Variants in ADAMTSL1 observed in about 807,000 individuals in gnomAD.
ADAMTSL1 encodes ADAMTS like 1, also known as ADAMTS-like protein 1.
ADAMTSL1 carries 126 observed loss-of-function variants against 201.8 expected under a neutral mutation model. The ratio of observed to expected loss-of-function variants is 0.62; its 90% CI spans 0.54 to 0.72. The LOEUF is 0.72. Ranked by LOEUF, ADAMTSL1 falls within the 30% of genes least tolerant of loss-of-function variation. The pLI is 0.00. For synonymous variants in ADAMTSL1, 1,121 were observed against 903.4 expected, an observed-to-expected ratio of 1.24 and a Z score of -4.32; for missense variants, 2,679 against 2,277.8, an observed-to-expected ratio of 1.18 and a Z score of -3.59.
Position 18,246,495 on chromosome 9 carries a change from A to T in ADAMTSL1, c.207+82514A>T, listed in dbSNP as rs1831263207. On this transcript the variant is annotated intron_variant, in intron 2 of 29. Coordinates refer to the ADAMTSL1 transcript ENST00000680146. ...CAAGAAAAGTGGTATCTAAGCAAGG[A>T]TAATAATAATAGTTATTATTTGTTG... 2.0e-5 allele frequency among the ~76,000 whole-genome samples: 3 copies of T among 152,318 alleles called. No individual in the cohort carries two copies. The South Asian group carries it at 6.2e-4, about 32-fold the overall frequency.
At chr9:18,163,167 C>T (rs2183645) in intron 1 of ADAMTSL1, among the ~76,000 whole-genome samples, 48,687 of 151,738 alleles carry the variant, frequency 0.32, 8,052 homozygotes, top group Admixed American at 0.41. Context: ...TAGAGTTAGA[C>T]CTGTATTTGA....
chr9:18,288,117 G>A (rs1833094957), intron 2 of ADAMTSL1, among the ~76,000 whole-genome samples: 1 of 152,122 alleles, frequency 6.6e-6, no homozygotes. Flanking sequence ...TGGGGCACAT[G>A]ATTGGGAAAT....
chr9:18,875,527 G>T (rs1289541877), intron 23 of ADAMTSL1, among the ~76,000 whole-genome samples: 1 of 152,056 alleles, frequency 6.6e-6, no homozygotes, highest in East Asian at 1.9e-4. Context: ...TCATTCAGGA[G>T]CAGGTTAATT....
chr9:18,191,315 C>G (rs1828959404), intron 2 of ADAMTSL1, among the ~76,000 whole-genome samples: 1 of 152,158 alleles, frequency 6.6e-6, no homozygotes, highest in Admixed American at 6.5e-5. Flanking sequence ...CACTCCAGAG[C>G]TCCTGTCTTG....
rs563440869 is a variant in ADAMTSL1 at position 18,323,525 on chromosome 9, A to G, written c.207+159544A>G. Among the ~76,000 whole-genome samples the G allele has an allele frequency of 3.9e-5, 6 of 152,270 alleles. No individual in the cohort carries two copies. The South Asian group carries it at 1.2e-3, about 32-fold the overall frequency. ...CAATATTTTACTGGGTTATTAAGTC[A>G]GCACAAAAAGAAAAAAACCCATAAA... On this transcript the variant is annotated intron_variant, in intron 2 of 29. Coordinates refer to the ADAMTSL1 transcript ENST00000680146.
intron 1 of ADAMTSL1, among the ~76,000 whole-genome samples, chr9:18,078,845 A>C (rs969125410): frequency 1.3e-5 from 2 of 152,122 alleles, no homozygotes; most frequent in Non-Finnish European, 2.9e-5. Context: ...AAGGCAATGG[A>C]GCTGTCTTCA....
At chr9:18,592,730 T>C (rs541202361) in intron 4 of ADAMTSL1, among the ~76,000 whole-genome samples, 19 of 152,348 alleles carry the variant, frequency 1.2e-4, no homozygotes, top group Non-Finnish European at 2.6e-4. Flanking sequence ...ATGTACATCT[T>C]AGGATTGTTT....
intron 1 of ADAMTSL1, among the ~76,000 whole-genome samples, chr9:18,023,628 G>T (rs1053869874): frequency 1.3e-5 from 2 of 152,058 alleles, no homozygotes; most frequent in Non-Finnish European, 2.9e-5. Context: ...TGTTGGGTGC[G>T]AATGGAGTAA....
intron 1 of ADAMTSL1, among the ~76,000 whole-genome samples, chr9:18,000,991 A>G (rs1819590584): frequency 6.6e-6 from 1 of 152,058 alleles, no homozygotes; most frequent in African/African-American, 2.4e-5. Flanking sequence ...ACCTGGATTG[A>G]CAATCCCATC....
intron 2 of ADAMTSL1, among the ~76,000 whole-genome samples, chr9:18,530,435 T>C (rs1819373315): frequency 6.6e-6 from 1 of 152,152 alleles, no homozygotes; most frequent in Non-Finnish European, 1.5e-5. Flanking sequence ...CACCATTGAA[T>C]CTCCTCCGTT....
chr9:18,244,107 G>A (rs974049141), intron 2 of ADAMTSL1, among the ~76,000 whole-genome samples: 4 of 111,784 alleles, frequency 3.6e-5, no homozygotes, highest in Non-Finnish European at 6.2e-5. Flanking sequence ...GTGTGTGTGT[G>A]TGTACGTGTG....
At chr9:18,047,652 G>A (rs565718026) in intron 1 of ADAMTSL1, among the ~76,000 whole-genome samples, 5 of 152,216 alleles carry the variant, frequency 3.3e-5, no homozygotes, top group South Asian at 2.1e-4. Flanking sequence ...TCTGCTCATC[G>A]TTTTAGAACC....
At chr9:18,478,737 T>C (rs551858051) in intron 1 of ADAMTSL1, among the ~76,000 whole-genome samples, 1 of 152,292 alleles carries the variant, frequency 6.6e-6, no homozygotes, top group South Asian at 2.1e-4. Flanking sequence ...AGCCTTTTCT[T>C]GAGTGAGAGC....
chr9:18,763,350 A>T (rs1218461937), intron 16 of ADAMTSL1, among the ~76,000 whole-genome samples: 1 of 152,052 alleles, frequency 6.6e-6, no homozygotes, highest in Admixed American at 6.6e-5. Context: ...TTTGATTATT[A>T]GATTTTTTTC....
intron 1 of ADAMTSL1, among the ~76,000 whole-genome samples, chr9:18,020,660 G>A (rs144528203): frequency 1.4e-4 from 22 of 152,112 alleles, no homozygotes; most frequent in African/African-American, 3.4e-4. Flanking sequence ...CTCCCTAAAC[G>A]CCTGGGGATT....
chr9:18,294,011 C>G (rs1426536922), intron 2 of ADAMTSL1, among the ~76,000 whole-genome samples: 1 of 152,174 alleles, frequency 6.6e-6, no homozygotes, highest in Non-Finnish European at 1.5e-5. Context: ...TTACCAGACT[C>G]AGAACCATGA....
chr9:17,968,170 A>C (rs1245307267), intron 1 of ADAMTSL1, among the ~76,000 whole-genome samples: 1 of 152,078 alleles, frequency 6.6e-6, no homozygotes, highest in Non-Finnish European at 1.5e-5. Flanking sequence ...ACTGCTACCA[A>C]GGTTTTCAGG....
intron 1 of ADAMTSL1, among the ~76,000 whole-genome samples, chr9:17,977,154 T>C (rs1818488454): frequency 6.6e-6 from 1 of 152,140 alleles, no homozygotes; most frequent in African/African-American, 2.4e-5. Flanking sequence ...TAAAATATCC[T>C]TGTATCCCAG....
chr9:18,276,582 T>C (rs952308439), intron 2 of ADAMTSL1, among the ~76,000 whole-genome samples: 1 of 152,246 alleles, frequency 6.6e-6, no homozygotes, highest in Non-Finnish European at 1.5e-5. Flanking sequence ...GAGGTTTATT[T>C]TGGCTCACAG....
Sources: allele counts gnomAD v4.1 joint callset (sites outside exome capture counted in the v4.1 genomes callset), GRCh38; gene constraint gnomAD v4.1.1; transcripts MANE v1.5; gene names NCBI Gene and HGNC (gene_info 2026-07-23, HGNC 2026-07-21).